The following ERLIN1 variants were observed in gnomAD, a reference collection of about 807,000 sequenced individuals.
ERLIN1 encodes erlin-1.
Under a neutral mutation model 46.9 loss-of-function variants are expected in ERLIN1, and 24 were observed. The ratio of observed to expected loss-of-function variants is 0.51; its 90% CI spans 0.37 to 0.72. ERLIN1 has a LOEUF of 0.72. Among genes scored for constraint, ERLIN1 ranks in the 30% least tolerant of loss-of-function variants. The probability of loss-of-function intolerance (pLI) is 0.00; values close to 1 mark genes in which losing one functional copy is unlikely to be tolerated. For synonymous variants in ERLIN1, 158 were observed against 143.2 expected (o/e 1.10, Z -0.74); for missense variants, 293 against 417.9 (o/e 0.70, Z 2.61).
Position 100,155,299 on chromosome 10 carries a change from C to T in ERLIN1, c.746-360G>A, listed in dbSNP as rs190833171. ...TTTACTGCATTGTCTCCAGCCCCCC[C>T]CCAAATTTCATCCAGAATCAGTCAA... On this transcript the variant is annotated intron_variant, in intron 9 of 10. Coordinates refer to ENST00000421367, the MANE Select transcript of ERLIN1 (RefSeq NM_006459.4). Among the ~76,000 whole-genome samples the T allele has an allele frequency of 9.3e-4, 142 of 152,140 alleles. 1 individual carries two copies. Among genetic ancestry groups the T allele is most frequent in the Non-Finnish European group, 1.7e-3 (118 of 68,006 alleles).
chr10:100,185,764 C>G lies in ERLIN1; in HGVS notation c.-138G>C. Reference sequence around the variant, plus strand: ...GAGCCGGGGAGTCCAGTACCCCTGTCCCCTCATTCTTCCCTTCTGGCTGAG... The same window carrying G: ...GAGCCGGGGAGTCCAGTACCCCTGTGCCCTCATTCTTCCCTTCTGGCTGAG... On this transcript the variant is annotated 5_prime_UTR_variant, in exon 1 of 11. Transcript: ENST00000421367. The G allele has an allele frequency of 1.5e-6, 1 of 668,308 alleles. No homozygotes were observed. Among genetic ancestry groups the G allele is most frequent in the Non-Finnish European group, 2.7e-6 (1 of 374,234 alleles). 41.4% of individuals were successfully genotyped at this position (668,308 alleles called of 1,614,324 possible).
At chr10:100,169,631 AAAG>A (rs902584828) in intron 6 of ERLIN1, among the ~76,000 whole-genome samples, 1 of 151,224 alleles carries the variant, frequency 6.6e-6, no homozygotes, top group African/African-American at 2.4e-5. Flanking sequence ...TAAAAAAAAA[AAAG>A]ACTACATATT....
In ERLIN1 at chr10:100,152,162, T is replaced by C. The variant is rs1381600208; in HGVS notation, c.1016A>G (p.Asn339Ser). 1.2e-6 allele frequency: 2 copies of C among 1,613,164 alleles called. No homozygotes were observed. The highest frequency in any genetic ancestry group is 1.7e-6 in the Non-Finnish European group (2 of 1,179,090). ...SKEALEPSGE[N>S]VIQNKESTG ...TGTGCTCTCTTTGTTTTGGATGACG[T>C]TCTCTCCAGAGGGTTCAAGAGCCTC... The change falls in exon 11 of 11, where the codon AAC becomes AGC. Residue 339 changes from asparagine to serine, a missense_variant. Asn to Ser is a conservative substitution (Grantham distance 46). Around this residue, in one of 3 missense-constraint regions of ERLIN1, gnomAD observed 69 missense variants for 74.5 expected, o/e 0.93. Coordinates refer to ENST00000421367, the MANE Select transcript of ERLIN1 (RefSeq NM_006459.4).
At chr10:100,152,757 A>G (rs1589505976) in intron 10 of ERLIN1, among the ~76,000 whole-genome samples, 1 of 152,118 alleles carries the variant, frequency 6.6e-6, no homozygotes, top group South Asian at 2.1e-4. Flanking sequence ...GATGGGGTCT[A>G]TGTTGCCAGG....
At chr10:100,162,361 T>C (rs1843402745) in intron 8 of ERLIN1, among the ~76,000 whole-genome samples, 1 of 152,152 alleles carries the variant, frequency 6.6e-6, no homozygotes, top group African/African-American at 2.4e-5. Context: ...TAAACAGACA[T>C]AAAGTTTTAA....
In ERLIN1 at chr10:100,183,856, A is replaced by T. The variant is rs370929588; in HGVS notation, c.114-19T>A. On this transcript the variant is annotated intron_variant, in intron 1 of 10. Transcript: ENST00000421367. ...TCCTCCCCTGCAAAAAGATGTTTCA[A>T]TTTGACAAAATTATAAAAAGAAAAA... 4.7e-5 allele frequency: 73 copies of T among 1,566,202 alleles called. No individual in the cohort carries two copies. The highest frequency in any genetic ancestry group is 5.5e-5 in the Non-Finnish European group (63 of 1,139,022).
At chr10:100,160,842 G>A (rs1349602679) in intron 8 of ERLIN1, among the ~76,000 whole-genome samples, 1 of 152,108 alleles carries the variant, frequency 6.6e-6, no homozygotes, top group East Asian at 1.9e-4. Flanking sequence ...AGCTACTCGA[G>A]AGGCTGAGGT....
At position 100,185,992 on chromosome 10, in the gene ERLIN1, G is replaced by A. The variant is rs1844962417; in HGVS notation, c.-366C>T. 1 of 426,976 alleles carries A rather than the reference G, an allele frequency of 2.3e-6. No homozygotes were observed. The highest frequency in any genetic ancestry group is 3.5e-5 in the East Asian group (1 of 28,246). The allele number at this position is 426,976 out of a possible 1,614,324, so 26.4% of individuals were successfully genotyped here. On this transcript the variant is annotated 5_prime_UTR_variant, in exon 1 of 11. It adds an upstream start codon to the 5' untranslated region. Coordinates refer to ENST00000421367, the MANE Select transcript of ERLIN1 (RefSeq NM_006459.4). The stretch of plus-strand genomic sequence containing the variant: ...AGTGACGCATCGCCCCCGCCCGCAC[G>A]TGCAGCCGACTCCCGCGCCGAGCCA...
At chr10:100,173,179 G>A (rs1221169435) in intron 6 of ERLIN1, among the ~76,000 whole-genome samples, 5 of 152,202 alleles carry the variant, frequency 3.3e-5, no homozygotes, top group African/African-American at 1.2e-4. Flanking sequence ...CAGTGGTGCT[G>A]AGTGTAAAGA....
intron 4 of ERLIN1, 56 bp downstream of exon 4, chr10:100,178,077 C>A: frequency 9.4e-7 from 1 of 1,062,558 alleles, no homozygotes; most frequent in Non-Finnish European, 1.4e-6. Context: ...AAGAATCTCT[C>A]AGCTATAAAT....
chr10:100,184,680 C>T (rs935361726), intron 1 of ERLIN1, among the ~76,000 whole-genome samples: 5 of 152,162 alleles, frequency 3.3e-5, no homozygotes, highest in African/African-American at 1.2e-4. Context: ...TGCTTTTAAA[C>T]TGGAAGGAAA....
rs116902793 is a variant in ERLIN1, at chr10:100,161,429, C to T, written c.655+2575G>A. The stretch of plus-strand genomic sequence containing the variant: ...GAAAATTATGACACTTTTTAAAAGA[C>T]AACTCTCCTAAATGGAGAAACAGAT... On this transcript the variant is annotated intron_variant, in intron 8 of 10. Transcript: ENST00000421367. 2.9e-3 allele frequency among the ~76,000 whole-genome samples: 434 copies of T among 151,598 alleles called. 1 individual carries two copies. The highest frequency in any genetic ancestry group is 6.8e-3 in the Middle Eastern group (2 of 294).
At chr10:100,155,722 G>A in intron 9 of ERLIN1, among the ~76,000 whole-genome samples, 1 of 152,050 alleles carries the variant, frequency 6.6e-6, no homozygotes, top group African/African-American at 2.4e-5. Flanking sequence ...CACCGTTTTA[G>A]CCGGGATGGT....
intron 8 of ERLIN1, among the ~76,000 whole-genome samples, chr10:100,162,552 T>C (rs1408765036): frequency 6.6e-6 from 1 of 152,206 alleles, no homozygotes; most frequent in Non-Finnish European, 1.5e-5. Context: ...AATTCTACTT[T>C]GAGATAGCTA....
chr10:100,183,756 C>T lies in ERLIN1; in HGVS notation c.195G>A (p.Gln65=). The change falls in exon 2 of 11, where the codon CAG becomes CAA. Residue 65 remains glutamine, a splice_region_variant and synonymous_variant. Transcript: ENST00000421367. ...GAGGCTTCCCCTAGGAATCACTCAC[C>T]TGCACAGATCTGAACGTAGTAATGA... ...LPFITTFRSV[Q]TTLQTDEVKN... is the part of the protein sequence containing the mutation. 6.2e-7 allele frequency: 1 copy of T among 1,609,334 alleles called. No homozygotes were observed. The highest frequency in any genetic ancestry group is 1.1e-5 in the South Asian group (1 of 90,916).
chr10:100,178,475 G>C (rs1844447919), intron 3 of ERLIN1, among the ~76,000 whole-genome samples: 1 of 152,056 alleles, frequency 6.6e-6, no homozygotes, highest in African/African-American at 2.4e-5. Context: ...GAAATAATTT[G>C]GGCCCTGCTT....
intron 6 of ERLIN1, among the ~76,000 whole-genome samples, chr10:100,171,429 G>C (rs1267941332): frequency 6.7e-6 from 1 of 148,698 alleles, no homozygotes; most frequent in African/African-American, 2.5e-5. Context: ...TTTATTTATA[G>C]ACAGGGTTTT....
rs148128176 is a variant in ERLIN1 at position 100,151,396 on chromosome 10, C to A, written c.*735G>T. On this transcript the variant is annotated 3_prime_UTR_variant, in exon 11 of 11. Coordinates refer to ENST00000421367, the MANE Select transcript of ERLIN1 (RefSeq NM_006459.4). ...ATGCAGGGAATGCAAGGCCCCAGAGCTTTGGCTCAGAGCAAAGGTTTCATC... is the reference window on the plus strand; with the variant it reads ...ATGCAGGGAATGCAAGGCCCCAGAGATTTGGCTCAGAGCAAAGGTTTCATC... 6.6e-4 allele frequency: 102 copies of A among 153,774 alleles called. No homozygotes were observed. Among genetic ancestry groups the A allele is most frequent in the Admixed American group, 1.8e-3 (28 of 15,512 alleles). The allele number at this position is 153,774 out of a possible 1,614,324, so 9.5% of individuals were successfully genotyped here. A position where few individuals can be genotyped will look rare whatever the true frequency, so the allele number is the denominator to read the frequency against.
At chr10:100,157,866 G>A (rs1054273997) in intron 8 of ERLIN1, among the ~76,000 whole-genome samples, 3 of 152,202 alleles carry the variant, frequency 2.0e-5, no homozygotes, top group Admixed American at 6.5e-5. Context: ...TAAAAAGCAC[G>A]ACCAGACTTC....
Sources: allele counts gnomAD v4.1 joint callset (sites outside exome capture counted in the v4.1 genomes callset), GRCh38; gene constraint gnomAD v4.1.1; regional missense constraint gnomAD v4.1.1; transcripts MANE v1.5; gene names NCBI Gene and HGNC (gene_info 2026-07-23, HGNC 2026-07-21).